Variants in PLCB1 observed in about 807,000 individuals in gnomAD.
PLCB1 encodes the protein phospholipase C beta 1, also known as 1-phosphatidylinositol 4,5-bisphosphate phosphodiesterase beta-1.
In PLCB1, 46 loss-of-function variants were observed where a neutral mutation model predicts 161.8. That is an observed-to-expected ratio of 0.28 (90% CI 0.22 to 0.36). The LOEUF is 0.36. Ranked by LOEUF, PLCB1 falls within the 10% of genes least tolerant of loss-of-function variation. The pLI, the probability that PLCB1 is intolerant of heterozygous loss-of-function variation, is 1.00. For missense variants in PLCB1, 1,016 were observed against 1,472.5 expected (o/e 0.69, Z 5.07); for synonymous variants, 517 against 503.7 (o/e 1.03, Z -0.35).
intron 3 of PLCB1, among the ~76,000 whole-genome samples, chr20:8,446,356 CA>C (rs1465312887): frequency 1.3e-5 from 2 of 152,190 alleles, no homozygotes; most frequent in Non-Finnish European, 2.9e-5. Context: ...CACAATTCAA[CA>C]ACCCTTTGTT....
intron 3 of PLCB1, among the ~76,000 whole-genome samples, chr20:8,396,685 G>A (rs994226010): frequency 6.6e-6 from 1 of 151,938 alleles, no homozygotes; most frequent in African/African-American, 2.4e-5. Flanking sequence ...AACTAAATAA[G>A]TTGCCTTCGT....
chr20:8,303,725 G>A (rs527885854), intron 2 of PLCB1, among the ~76,000 whole-genome samples: 19 of 152,278 alleles, frequency 1.2e-4, no homozygotes, highest in African/African-American at 4.3e-4. Context: ...GTGCATTGTT[G>A]CTGAGAACAT....
intron 4 of PLCB1, among the ~76,000 whole-genome samples, chr20:8,633,903 A>G (rs1568538393): frequency 6.6e-6 from 1 of 152,200 alleles, no homozygotes. Flanking sequence ...TCTGACTTCT[A>G]TTATTCAACA....
At chr20:8,497,743 T>G (rs1351265747) in intron 3 of PLCB1, among the ~76,000 whole-genome samples, 2 of 152,216 alleles carry the variant, frequency 1.3e-5, no homozygotes, top group African/African-American at 2.4e-5. Context: ...TTATTTTGGG[T>G]AAAGGTACAG....
intron 27 of PLCB1, among the ~76,000 whole-genome samples, chr20:8,776,414 C>T (rs1426251246): frequency 6.6e-6 from 1 of 152,162 alleles, no homozygotes; most frequent in African/African-American, 2.4e-5. Context: ...AAGCCAATGT[C>T]ATCATAATGA....
chr20:8,633,306 T>C (rs1325109310), intron 4 of PLCB1, among the ~76,000 whole-genome samples: 3 of 152,184 alleles, frequency 2.0e-5, no homozygotes, highest in African/African-American at 7.2e-5. Flanking sequence ...TAGAATATAA[T>C]TTTTTGTTTA....
intron 3 of PLCB1, among the ~76,000 whole-genome samples, chr20:8,477,432 T>G (rs1447744358): frequency 6.6e-6 from 1 of 152,210 alleles, no homozygotes; most frequent in East Asian, 1.9e-4. Flanking sequence ...CTGAGGCATC[T>G]GAAATAGTAT....
At chr20:8,201,033 T>C (rs1245340379) in intron 2 of PLCB1, among the ~76,000 whole-genome samples, 1 of 152,154 alleles carries the variant, frequency 6.6e-6, no homozygotes, top group African/African-American at 2.4e-5. Flanking sequence ...GCTAATATTT[T>C]ATTTTGCATC....
chr20:8,776,387 C>T (rs375037876), intron 27 of PLCB1, among the ~76,000 whole-genome samples: 6 of 146,652 alleles, frequency 4.1e-5, no homozygotes, highest in East Asian at 4.1e-4. Context: ...GTAGATGCCT[C>T]GGCTAATTCA....
chr20:8,839,178 T>G (rs560330407), intron 31 of PLCB1, among the ~76,000 whole-genome samples: 1 of 152,324 alleles, frequency 6.6e-6, no homozygotes, highest in East Asian at 1.9e-4. Flanking sequence ...TGACAAAGTT[T>G]AGGGACCTTC....
In PLCB1 at chr20:8,740,385, C is replaced by G. The variant is rs1184628255; in HGVS notation, c.2350C>G (p.Leu784Val). The change falls in exon 22 of 32, where the codon CTG (leucine) becomes GTG (valine). Residue 784 changes from leucine to valine, a missense_variant. This residue lies in a region of PLCB1 where 75 missense variants were observed against 117.0 expected (regional missense o/e 0.64). Transcript: ENST00000338037. ...ICLRNERNQP[L>V]TLPAVFVYIE... ...TCTAAGGAATGAAAGGAACCAGCCT[C>G]TGACGCTGCCTGCTGTCTTTGTCTA... 1.2e-6 allele frequency: 2 copies of G among 1,608,998 alleles called. No individual in the cohort carries two copies. Among genetic ancestry groups the G allele is most frequent in the South Asian group, 1.1e-5 (1 of 89,978 alleles).
intron 3 of PLCB1, among the ~76,000 whole-genome samples, chr20:8,425,775 C>T (rs1979740401): frequency 6.6e-6 from 1 of 152,158 alleles, no homozygotes; most frequent in Non-Finnish European, 1.5e-5. Context: ...TTTTTCCACA[C>T]CATCAGCAGC....
rs1271676340 is a variant in PLCB1, at chr20:8,277,552, TAA to T, written c.178-93829_178-93828del. 3.9e-5 allele frequency among the ~76,000 whole-genome samples: 6 copies of T among 152,248 alleles called. No homozygotes were observed. The East Asian group carries it at 1.2e-3, about 29-fold the overall frequency. On this transcript the variant is annotated intron_variant, in intron 2 of 31. Coordinates refer to ENST00000338037, the MANE Select transcript of PLCB1 (RefSeq NM_015192.4). ...TTTCTTAGACTCACAGTTTTGACAC[TAA>T]GTTTGTTATAAGTGCAGAATCTCAG...
At chr20:8,842,887 A>G (rs892983239) in intron 31 of PLCB1, among the ~76,000 whole-genome samples, 7 of 152,202 alleles carry the variant, frequency 4.6e-5, no homozygotes, top group African/African-American at 1.7e-4. Flanking sequence ...CTGCCTGTGG[A>G]TTCCGTTTCT....
intron 2 of PLCB1, among the ~76,000 whole-genome samples, chr20:8,358,878 A>G (rs1600341322): frequency 3.3e-5 from 5 of 152,306 alleles, no homozygotes; most frequent in Admixed American, 3.3e-4. Context: ...GCTTCTCACC[A>G]ACATATTGCA....
intron 2 of PLCB1, among the ~76,000 whole-genome samples, chr20:8,159,713 C>T (rs773765355): frequency 2.0e-5 from 3 of 151,964 alleles, no homozygotes; most frequent in Non-Finnish European, 4.4e-5. Flanking sequence ...CCAGGCCGGG[C>T]GTGGTGGCTC....
chr20:8,447,142 A>G (rs904374240), intron 3 of PLCB1, among the ~76,000 whole-genome samples: 2 of 152,228 alleles, frequency 1.3e-5, no homozygotes, highest in Non-Finnish European at 2.9e-5. Context: ...GTCAAAGGCC[A>G]GCTATACCCT....
chr20:8,292,284 C>T (rs186526337), intron 2 of PLCB1, among the ~76,000 whole-genome samples: 5 of 152,172 alleles, frequency 3.3e-5, no homozygotes, highest in Admixed American at 6.5e-5. Flanking sequence ...TCTAGTTACA[C>T]ATCAAGATTC....
chr20:8,809,156 C>A (rs1984686823), intron 31 of PLCB1, among the ~76,000 whole-genome samples: 1 of 152,048 alleles, frequency 6.6e-6, no homozygotes, highest in Admixed American at 6.6e-5. Context: ...CTTACCACCA[C>A]ACTTGGCTGA....
Sources: gnomAD v4.1 joint callset for allele counts (sites outside exome capture counted in the v4.1 genomes callset) on GRCh38, gnomAD v4.1.1 for gene constraint, gnomAD v4.1.1 regional missense constraint, MANE v1.5 for transcripts, NCBI Gene and HGNC (gene_info 2026-07-23, HGNC 2026-07-21) for gene names.